The following RASGRF2 variants were observed in gnomAD, a reference collection of about 807,000 sequenced individuals.
RASGRF2 encodes the protein ras-specific guanine nucleotide-releasing factor 2.
In RASGRF2, 76 loss-of-function variants were observed where a neutral mutation model predicts 151.0. The ratio of observed to expected loss-of-function variants is 0.50; its 90% CI spans 0.42 to 0.61. The LOEUF (loss-of-function observed/expected upper bound fraction) is 0.61, where lower values mean the gene tolerates loss of function less well. RASGRF2 is among the 20% of genes least tolerant of loss of function. The pLI is 0.00. For synonymous variants in RASGRF2, 504 were observed against 566.5 expected, an observed-to-expected ratio of 0.89 and a Z score of 1.57; for missense variants, 1,148 against 1,564.6, an observed-to-expected ratio of 0.73 and a Z score of 4.49.
intron 19 of RASGRF2, chr5:81,204,165 G>A (rs1398080918): frequency 2.0e-5 from 3 of 152,194 alleles, no homozygotes; most frequent in Non-Finnish European, 4.4e-5. Context: ...TGATGGTGGT[G>A]GGGAACCCAG....
rs573277443 is a variant in RASGRF2 at position 81,102,757 on chromosome 5, T to C, written c.1756-6239T>C. Among the ~76,000 whole-genome samples, 5 of 151,218 alleles carry C rather than the reference T, an allele frequency of 3.3e-5. No individual in the cohort carries two copies. In the South Asian group the frequency reaches 1.0e-3, roughly 32 times the overall value. Reference sequence around the variant, plus strand: ...ATATTTGAAATCAGACTTATTCACATGGTGTAAAGTGCCAAACTGAGAAAT... The same window carrying C: ...ATATTTGAAATCAGACTTATTCACACGGTGTAAAGTGCCAAACTGAGAAAT... On this transcript the variant is annotated intron_variant, in intron 12 of 26. Transcript: ENST00000265080.
At chr5:81,054,222 T>C (rs1207786484) in intron 2 of RASGRF2, among the ~76,000 whole-genome samples, 2 of 152,228 alleles carry the variant, frequency 1.3e-5, no homozygotes, top group African/African-American at 2.4e-5. Context: ...CTGAATGGTA[T>C]TGCTTAGGTT....
Position 81,229,874 on chromosome 5 carries a change from GGA to G in RASGRF2, c.*4105_*4106del, listed in dbSNP as rs1756075498. On this transcript the variant is annotated 3_prime_UTR_variant, in exon 27 of 27. Coordinates refer to ENST00000265080, the MANE Select transcript of RASGRF2 (RefSeq NM_006909.3). ...CACAGGGCTATTGTGAGGACCAAAT[GGA>G]TTAGACTGTAAACTGCAAAGTGCTG... The G allele has an allele frequency of 6.6e-6, 1 of 152,142 alleles. No homozygotes were observed. Among genetic ancestry groups the G allele is most frequent in the Admixed American group, 6.5e-5 (1 of 15,284 alleles). 9.4% of individuals were successfully genotyped at this position (152,142 alleles called of 1,614,324 possible).
chr5:81,201,739 TG>T lies in RASGRF2; in HGVS notation c.2906+298del, dbSNP rs1291690535. ...AAAGGAACCCTTGAGGAGCCTCTCC[TG>T]CAAGTCCGGCAGGCATCAAAGAGAG... On this transcript the variant is annotated intron_variant, in intron 19 of 26. Transcript: ENST00000265080. Among the ~76,000 whole-genome samples the T allele has an allele frequency of 2.6e-5, 4 of 152,300 alleles. No homozygotes were observed. The East Asian group carries it at 7.7e-4, about 29-fold the overall frequency.
At chr5:81,144,159 G>A (rs932320191) in intron 17 of RASGRF2, among the ~76,000 whole-genome samples, 1 of 152,168 alleles carries the variant, frequency 6.6e-6, no homozygotes, top group African/African-American at 2.4e-5. Context: ...ACATTAAAAG[G>A]ATGTGACAAG....
intron 2 of RASGRF2, among the ~76,000 whole-genome samples, chr5:81,055,271 G>A (rs1032458751): frequency 6.6e-5 from 10 of 152,116 alleles, no homozygotes; most frequent in Admixed American, 2.6e-4. Context: ...GTTTGTCATA[G>A]ATAGCTCTTA....
intron 20 of RASGRF2, 59 bp from the exon 21 acceptor site, chr5:81,207,187 C>A (rs1312039784): frequency 7.7e-6 from 11 of 1,422,650 alleles, no homozygotes; most frequent in Non-Finnish European, 1.1e-5. Flanking sequence ...CACTGACCTG[C>A]AATGAGATGG....
chr5:81,041,301 CAAAAA>C (rs34567203), intron 1 of RASGRF2, among the ~76,000 whole-genome samples: 2 of 112,572 alleles, frequency 1.8e-5, no homozygotes, highest in Admixed American at 9.8e-5. Context: ...GACTCCGTCT[CAAAAA>C]AAAAAAAAAA....
At chr5:81,008,616 A>G (rs894968431) in intron 1 of RASGRF2, among the ~76,000 whole-genome samples, 8 of 152,216 alleles carry the variant, frequency 5.3e-5, no homozygotes, top group African/African-American at 1.9e-4. Context: ...ACATACCAGC[A>G]TGACACTTTC....
chr5:81,183,449 C>G (rs1754961581), intron 18 of RASGRF2: 1 of 312,174 alleles, frequency 3.2e-6, no homozygotes, highest in Admixed American at 6.5e-5. Context: ...TAACTCTACC[C>G]CATGTGGTGC....
At chr5:80,965,585 A>T (rs1747696774) in intron 1 of RASGRF2, among the ~76,000 whole-genome samples, 1 of 152,184 alleles carries the variant, frequency 6.6e-6, no homozygotes, top group South Asian at 2.1e-4. Flanking sequence ...AAAATGCATT[A>T]TTGTTGTGAA....
chr5:81,082,776 A>C (rs1752123174), intron 7 of RASGRF2, among the ~76,000 whole-genome samples: 1 of 152,250 alleles, frequency 6.6e-6, no homozygotes, highest in Admixed American at 6.5e-5. Flanking sequence ...CAGAGGCTTC[A>C]GCTTGTGGGA....
At chr5:80,986,623 A>T (rs559367021) in intron 1 of RASGRF2, among the ~76,000 whole-genome samples, 2 of 152,366 alleles carry the variant, frequency 1.3e-5, no homozygotes, top group East Asian at 3.9e-4. Context: ...CCTTGGGGAC[A>T]TAAGGAAACG....
intron 5 of RASGRF2, among the ~76,000 whole-genome samples, chr5:81,075,446 G>A (rs947805896): frequency 1.3e-5 from 2 of 152,268 alleles, no homozygotes; most frequent in East Asian, 3.9e-4. Flanking sequence ...TGTGCCAGCG[G>A]GTTGTGTTTC....
intron 12 of RASGRF2, among the ~76,000 whole-genome samples, chr5:81,108,529 A>T (rs898183723): frequency 1.3e-5 from 2 of 152,228 alleles, no homozygotes; most frequent in African/African-American, 4.8e-5. Flanking sequence ...CTTACTAGTG[A>T]GACAGAAGAT....
intron 2 of RASGRF2, 62 bp from the exon 3 acceptor site, chr5:81,067,970 T>C: frequency 7.5e-7 from 1 of 1,337,990 alleles, no homozygotes; most frequent in Non-Finnish European, 9.9e-7. Flanking sequence ...TATTATATTC[T>C]ATATGGAACT....
rs1010586348 is a variant in RASGRF2 at position 80,979,647 on chromosome 5, A to G, written c.288+18621A>G. ...AGGAATGTGGCAGTTTCCAGATGAG[A>G]GATACTTGGCATTTATTTGTGTTTC... is the stretch of plus-strand genomic sequence containing the variant. On this transcript the variant is annotated intron_variant, in intron 1 of 26. Coordinates refer to ENST00000265080, the MANE Select transcript of RASGRF2 (RefSeq NM_006909.3). 5.3e-5 allele frequency among the ~76,000 whole-genome samples: 8 copies of G among 152,192 alleles called. No individual in the cohort carries two copies. The South Asian group carries it at 1.0e-3, about 20-fold the overall frequency.
chr5:81,108,373 GA>G (rs1312087316), intron 12 of RASGRF2, among the ~76,000 whole-genome samples: 1 of 152,174 alleles, frequency 6.6e-6, no homozygotes, highest in African/African-American at 2.4e-5. Context: ...AGAAAAAGAT[GA>G]TACAAGGCTT....
chr5:81,027,261 A>G (rs923250247), intron 1 of RASGRF2, among the ~76,000 whole-genome samples: 1 of 152,200 alleles, frequency 6.6e-6, no homozygotes, highest in African/African-American at 2.4e-5. Flanking sequence ...ATGCATCAAT[A>G]TTTGTTCATC....
Sources: allele counts gnomAD v4.1 joint callset (sites outside exome capture counted in the v4.1 genomes callset), GRCh38; gene constraint gnomAD v4.1.1; transcripts MANE v1.5; gene names NCBI Gene and HGNC (gene_info 2026-07-23, HGNC 2026-07-21).